GRM7: variants seen among roughly 807,000 people sequenced by gnomAD.
GRM7 encodes the protein metabotropic glutamate receptor 7.
In GRM7, 35 loss-of-function variants were observed where a neutral mutation model predicts 84.5. The observed-to-expected ratio is 0.41, with a 90% confidence interval of 0.32 to 0.55. The LOEUF (loss-of-function observed/expected upper bound fraction) is 0.55. Ranked by LOEUF, GRM7 falls within the 20% of genes least tolerant of loss-of-function variation. The pLI is 0.19. For missense variants in GRM7, 1,003 were observed against 1,194.6 expected (o/e 0.84, Z 2.36); for synonymous variants, 487 against 455.1 (o/e 1.07, Z -0.89).
chr3:6,987,425 C>T (rs1694457171), intron 1 of GRM7, among the ~76,000 whole-genome samples: 1 of 150,168 alleles, frequency 6.7e-6, no homozygotes, highest in Non-Finnish European at 1.5e-5. Flanking sequence ...CCCTGATAAA[C>T]TTACAGAAAA....
chr3:7,730,564 C>T (rs943709528), intron 9 of GRM7, among the ~76,000 whole-genome samples: 1 of 152,150 alleles, frequency 6.6e-6, no homozygotes, highest in East Asian at 1.9e-4. Flanking sequence ...ACTGTGAGTT[C>T]TTAGTAAAAG....
chr3:7,341,528 T>A (rs759301179), intron 4 of GRM7, among the ~76,000 whole-genome samples: 1 of 152,050 alleles, frequency 6.6e-6, no homozygotes, highest in African/African-American at 2.4e-5. Context: ...ACTGAGAAAA[T>A]TGTCCCTCTC....
rs185045361 is a variant in GRM7 at position 7,652,517 on chromosome 3, C to T, written c.2452-27532C>T. Among the ~76,000 whole-genome samples, 110 of 152,284 alleles carry T rather than the reference C, an allele frequency of 7.2e-4. 1 individual carries two copies. Among genetic ancestry groups the T allele is most frequent in the African/African-American group, 2.3e-3 (95 of 41,558 alleles). On this transcript the variant is annotated intron_variant, in intron 8 of 9. Coordinates refer to ENST00000357716, the MANE Select transcript of GRM7 (RefSeq NM_000844.4). Reference sequence around the variant, plus strand: ...AAGTCAATCCCTTCACCTCTGTCAGCGTCAGTTTCCTCATTTGTCCAGTGA... The same window carrying T: ...AAGTCAATCCCTTCACCTCTGTCAGTGTCAGTTTCCTCATTTGTCCAGTGA...
At chr3:6,939,405 GAT>G (rs1017296670) in intron 1 of GRM7, among the ~76,000 whole-genome samples, 1 of 150,852 alleles carries the variant, frequency 6.6e-6, no homozygotes, top group African/African-American at 2.4e-5. Context: ...TGAGGGAAAA[GAT>G]AATCAAAGAT....
chr3:7,734,207 T>G, intron 9 of GRM7, among the ~76,000 whole-genome samples: 1 of 136,326 alleles, frequency 7.3e-6, no homozygotes. Flanking sequence ...ACCTCCCTTA[T>G]TCACCATTAG....
intron 5 of GRM7, among the ~76,000 whole-genome samples, chr3:7,428,271 A>G (rs1323514774): frequency 3.4e-5 from 5 of 148,458 alleles, no homozygotes; most frequent in South Asian, 4.3e-4. Flanking sequence ...GGGCAAAGAA[A>G]AGACTGTCCT....
chr3:7,681,915 T>C (rs532279529), intron 9 of GRM7: 1 of 152,216 alleles, frequency 6.6e-6, no homozygotes, highest in Non-Finnish European at 1.5e-5. Context: ...CGTCTTTCCC[T>C]TCCTGAAGAG....
intron 1 of GRM7, among the ~76,000 whole-genome samples, chr3:6,968,225 G>GA (rs1693604019): frequency 6.6e-6 from 1 of 152,114 alleles, no homozygotes; most frequent in Admixed American, 6.6e-5. Context: ...TCGGCTGTTA[G>GA]ATGGCTACAT....
chr3:7,379,126 G>A (rs1012073178), intron 4 of GRM7, among the ~76,000 whole-genome samples: 7 of 152,144 alleles, frequency 4.6e-5, no homozygotes, highest in African/African-American at 1.7e-4. Context: ...GGGCTGGAGT[G>A]CAGTGGCGTG....
chr3:7,614,284 A>C (rs1696979586), intron 8 of GRM7, among the ~76,000 whole-genome samples: 1 of 152,108 alleles, frequency 6.6e-6, no homozygotes, highest in Non-Finnish European at 1.5e-5. Flanking sequence ...AAATAAATAA[A>C]TTGTAATATC....
chr3:7,229,722 CACACAT>C (rs1269140157), intron 2 of GRM7, among the ~76,000 whole-genome samples: 55 of 25,772 alleles, frequency 2.1e-3, no homozygotes, highest in African/African-American at 5.4e-3. Flanking sequence ...TCCATAGACA[CACACAT>C]ATATATATAT....
rs573888659 is a variant in GRM7, at chr3:7,439,318, CAA to C, written c.1175-13287_1175-13286del. ...GTCAGCAATATTTACTGTCTGGAAT[CAA>C]AGACCAGGCTTTCTAAGGTCGGAGT... On this transcript the variant is annotated intron_variant, in intron 5 of 9. Transcript: ENST00000357716. Among the ~76,000 whole-genome samples the C allele has an allele frequency of 9.7e-4, 148 of 152,274 alleles. No homozygotes were observed. The Middle Eastern group carries it at 0.014, about 14-fold the overall frequency.
intron 6 of GRM7, among the ~76,000 whole-genome samples, chr3:7,460,073 G>T (rs1698177877): frequency 9.4e-6 from 1 of 106,178 alleles, no homozygotes; most frequent in African/African-American, 3.8e-5. Flanking sequence ...ATCTTAACCA[G>T]ACAGGGAAAA....
chr3:7,601,042 A>G lies in GRM7; in HGVS notation c.2451+21685A>G, dbSNP rs115960239. Among the ~76,000 whole-genome samples the G allele has an allele frequency of 2.5e-3, 382 of 152,260 alleles. 1 individual carries two copies. Among genetic ancestry groups the G allele is most frequent in the African/African-American group, 8.7e-3 (363 of 41,568 alleles). The stretch of plus-strand genomic sequence containing the variant: ...TTGCCCTGCCATGGAGTCTTTGCAC[A>G]TGTTGAAACTCACAGATTCCCATCA... On this transcript the variant is annotated intron_variant, in intron 8 of 9. Coordinates refer to ENST00000357716, the MANE Select transcript of GRM7 (RefSeq NM_000844.4).
chr3:7,416,658 T>C (rs1220124233), intron 5 of GRM7, among the ~76,000 whole-genome samples: 1 of 152,116 alleles, frequency 6.6e-6, no homozygotes, highest in Non-Finnish European at 1.5e-5. Flanking sequence ...GTATGATGCA[T>C]ATATTAAAGG....
chr3:7,136,780 T>C (rs1693786757), intron 1 of GRM7, among the ~76,000 whole-genome samples: 2 of 152,204 alleles, frequency 1.3e-5, no homozygotes, highest in Non-Finnish European at 1.5e-5. Flanking sequence ...CTGTTCCCAA[T>C]AGAGTGGTAT....
At chr3:7,150,098 A>AGC (rs1694238507) in intron 2 of GRM7, among the ~76,000 whole-genome samples, 1 of 151,768 alleles carries the variant, frequency 6.6e-6, no homozygotes, top group South Asian at 2.1e-4. Flanking sequence ...AGAGAGAGAG[A>AGC]GAGCAAGAAA....
intron 2 of GRM7, among the ~76,000 whole-genome samples, chr3:7,252,336 T>G (rs1698022228): frequency 6.6e-6 from 1 of 152,196 alleles, no homozygotes; most frequent in Non-Finnish European, 1.5e-5. Flanking sequence ...CCTCAAGTCC[T>G]TCCAGATGCA....
intron 7 of GRM7, among the ~76,000 whole-genome samples, chr3:7,492,181 T>C (rs1699543634): frequency 6.6e-6 from 1 of 152,188 alleles, no homozygotes; most frequent in Non-Finnish European, 1.5e-5. Context: ...TTTTGTGTAC[T>C]GTCTTTGCTG....
Sources: allele counts gnomAD v4.1 joint callset (sites outside exome capture counted in the v4.1 genomes callset), GRCh38; gene constraint gnomAD v4.1.1; transcripts MANE v1.5; gene names NCBI Gene and HGNC (gene_info 2026-07-23, HGNC 2026-07-21).